Variants in COL14A1 observed in about 807,000 individuals in gnomAD.
The protein encoded by COL14A1 is collagen alpha-1(XIV) chain.
In COL14A1, 136 loss-of-function variants were observed where a neutral mutation model predicts 230.3. That is an observed-to-expected ratio of 0.59 (90% CI 0.51 to 0.68). COL14A1 has a LOEUF of 0.68. COL14A1 is among the 30% of genes least tolerant of loss of function. The pLI, the probability that COL14A1 is intolerant of heterozygous loss-of-function variation, is 0.00. For synonymous variants in COL14A1, 792 were observed against 784.1 expected (o/e 1.01, Z -0.17); for missense variants, 1,976 against 2,215.8 (o/e 0.89, Z 2.17).
intron 40 of COL14A1, among the ~76,000 whole-genome samples, chr8:120,319,586 C>T (rs1397453868): frequency 6.6e-6 from 1 of 152,080 alleles, no homozygotes; most frequent in African/African-American, 2.4e-5. Context: ...AAGCTGAAGC[C>T]AATAGTACCC....
At chr8:120,262,835 G>T (rs760569030) in intron 23 of COL14A1, 33 bp from the exon 24 acceptor site, 25 of 1,580,648 alleles carry the variant, frequency 1.6e-5, no homozygotes, top group Non-Finnish European at 2.1e-5. Flanking sequence ...TTTCATATGT[G>T]TGTGTTTTTG....
chr8:120,365,789 C>G (rs892147991), intron 45 of COL14A1, among the ~76,000 whole-genome samples: 1 of 152,308 alleles, frequency 6.6e-6, no homozygotes, highest in South Asian at 2.1e-4. Flanking sequence ...CATGGAGATA[C>G]TGGTCTTTTG....
chr8:120,172,820 A>G (rs1035028654), intron 5 of COL14A1, among the ~76,000 whole-genome samples: 4 of 152,178 alleles, frequency 2.6e-5, no homozygotes, highest in Non-Finnish European at 5.9e-5. Flanking sequence ...AGAACTATCA[A>G]ATACAACTTC....
intron 40 of COL14A1, among the ~76,000 whole-genome samples, chr8:120,331,296 TAA>T (rs923065756): frequency 1.3e-5 from 2 of 152,088 alleles, no homozygotes; most frequent in African/African-American, 2.4e-5. Context: ...TGGTGAAAAT[TAA>T]GTTTCTCCCT....
rs1245728292 is a variant in COL14A1 at position 120,332,651 on chromosome 8, A to G, written c.4714-13A>G. 8 of 1,606,628 alleles carry G rather than the reference A, an allele frequency of 5.0e-6. No homozygotes were observed. Among genetic ancestry groups the G allele is most frequent in the African/African-American group, 1.3e-5 (1 of 74,574 alleles). The stretch of plus-strand genomic sequence containing the variant: ...ATTCCTGACTTTGTTCCATTTTCCT[A>G]CCTCTCTTCTAGGGCATTCCTGGCA... On this transcript the variant is annotated splice_polypyrimidine_tract_variant and intron_variant, in intron 41 of 47. Transcript: ENST00000297848.
chr8:120,181,564 A>G (rs536616391), intron 5 of COL14A1, among the ~76,000 whole-genome samples: 71 of 152,340 alleles, frequency 4.7e-4, no homozygotes, highest in African/African-American at 1.7e-3. Flanking sequence ...ATACATAAAC[A>G]GCTATATGGT....
rs1022226210 is a variant in COL14A1, at chr8:120,301,233, C to T, written c.4401+415C>T. On this transcript the variant is annotated intron_variant, in intron 36 of 47. Transcript: ENST00000297848. ...TTTACTTTAGGTTCAGGGGTACATG[C>T]GAAGGTTTGTTACATAGATAGGTGA... Among the ~76,000 whole-genome samples the T allele has an allele frequency of 2.0e-5, 3 of 151,944 alleles. No individual in the cohort carries two copies. In the East Asian group the frequency reaches 5.8e-4, roughly 29 times the overall value.
intron 14 of COL14A1, among the ~76,000 whole-genome samples, chr8:120,220,098 TA>T (rs1173871203): frequency 6.6e-6 from 1 of 152,154 alleles, no homozygotes; most frequent in African/African-American, 2.4e-5. Context: ...TACCTAATTT[TA>T]GAATATATAA....
chr8:120,164,013 A>G (rs1815779627), intron 4 of COL14A1, among the ~76,000 whole-genome samples: 1 of 152,198 alleles, frequency 6.6e-6, no homozygotes, highest in Admixed American at 6.5e-5. Context: ...GTGAAGGATA[A>G]AAATTTTGTA....
intron 25 of COL14A1, among the ~76,000 whole-genome samples, chr8:120,269,218 A>G (rs1187710492): frequency 6.6e-6 from 1 of 151,842 alleles, no homozygotes; most frequent in Non-Finnish European, 1.5e-5. Flanking sequence ...CATAAAACAG[A>G]TTCAACTGCA....
At chr8:120,330,069 A>C (rs1821813394) in intron 40 of COL14A1, among the ~76,000 whole-genome samples, 2 of 152,212 alleles carry the variant, frequency 1.3e-5, no homozygotes, top group African/African-American at 4.8e-5. Context: ...TTATGAGCTA[A>C]AAACTCATAC....
intron 45 of COL14A1, among the ~76,000 whole-genome samples, chr8:120,354,392 TAAAAA>T (rs11326177): frequency 1.5e-5 from 2 of 131,516 alleles, no homozygotes; most frequent in African/African-American, 5.6e-5. Flanking sequence ...AAAGTATAAT[TAAAAA>T]AAAAAAAAAA....
At chr8:120,268,319 A>G (rs906675248) in intron 25 of COL14A1, among the ~76,000 whole-genome samples, 4 of 151,674 alleles carry the variant, frequency 2.6e-5, no homozygotes, top group African/African-American at 9.7e-5. Context: ...TATTCTCACT[A>G]TTGGAACTAG....
chr8:120,315,450 CTAT>C, intron 38 of COL14A1, 80 bp from the exon 39 acceptor site: 1 of 999,578 alleles, frequency 1.0e-6, no homozygotes, highest in South Asian at 1.4e-5. Context: ...ACTGTGGAAA[CTAT>C]TTAAATAATG....
intron 1 of COL14A1, among the ~76,000 whole-genome samples, chr8:120,128,225 G>GCA (rs1563624722): frequency 1.2e-4 from 12 of 99,304 alleles, no homozygotes; most frequent in African/African-American, 4.9e-4. Flanking sequence ...GTGTGTGCGC[G>GCA]CGCGTGTGTG....
chr8:120,243,852 A>G (rs781606978), intron 19 of COL14A1, 27 bp from the exon 20 acceptor site: 4 of 1,609,878 alleles, frequency 2.5e-6, no homozygotes, highest in African/African-American at 1.3e-5. Context: ...TCTCACTAAG[A>G]CTGCAGTCCT....
At chr8:120,355,030 A>G (rs1186716779) in intron 45 of COL14A1, among the ~76,000 whole-genome samples, 1 of 152,200 alleles carries the variant, frequency 6.6e-6, no homozygotes, top group Non-Finnish European at 1.5e-5. Flanking sequence ...AAAATTCAGA[A>G]GAGAGGACCA....
chr8:120,344,253 C>A (rs1364803998), intron 44 of COL14A1, among the ~76,000 whole-genome samples: 2 of 152,252 alleles, frequency 1.3e-5, no homozygotes, highest in Non-Finnish European at 2.9e-5. Context: ...TTGCCTTACA[C>A]TACTTCAGTT....
rs183295432 is a variant in COL14A1, at chr8:120,279,050, A to T, written c.3481+472A>T. Among the ~76,000 whole-genome samples, 525 of 152,074 alleles carry T rather than the reference A, an allele frequency of 3.5e-3. 3 individuals carry two copies. Among genetic ancestry groups the T allele is most frequent in the African/African-American group, 0.011 (454 of 41,490 alleles). On this transcript the variant is annotated intron_variant, in intron 28 of 47. Coordinates refer to ENST00000297848, the MANE Select transcript of COL14A1 (RefSeq NM_021110.4). ...TCATCCTCAGCAAACTAACACAGGA[A>T]CAGAAAACTAAACACCACATGTTCT...
Sources: allele counts gnomAD v4.1 joint callset (sites outside exome capture counted in the v4.1 genomes callset), GRCh38; gene constraint gnomAD v4.1.1; transcripts MANE v1.5; gene names NCBI Gene and HGNC (gene_info 2026-07-23, HGNC 2026-07-21).